The following ZSCAN5A variants were observed in gnomAD, a reference collection of about 807,000 sequenced individuals.
The protein encoded by ZSCAN5A is zinc finger and SCAN domain containing 5A, also known as zinc finger and SCAN domain-containing protein 5A.
In ZSCAN5A, 12 loss-of-function variants were observed where a neutral mutation model predicts 23.7. The ratio of observed to expected loss-of-function variants is 0.51; its 90% CI spans 0.32 to 0.82. ZSCAN5A has a LOEUF of 0.82. ZSCAN5A is among the 40% of genes least tolerant of loss of function. The pLI is 0.03. For synonymous variants in ZSCAN5A, 257 were observed against 239.9 expected, an observed-to-expected ratio of 1.07 and a Z score of -0.66; for missense variants, 597 against 617.9, an observed-to-expected ratio of 0.97 and a Z score of 0.36.
chr19:56,223,523 G>T, intron 4 of ZSCAN5A, 108 bp downstream of exon 4: 2 of 1,145,016 alleles, frequency 1.7e-6, no homozygotes, highest in Non-Finnish European at 2.5e-6. Context: ...ATGGGGAATG[G>T]CTCTAATCTT....
At chr19:56,289,420 T>A (rs1359560098) in intron 2 of ZSCAN5A, among the ~76,000 whole-genome samples, 1 of 152,152 alleles carries the variant, frequency 6.6e-6, no homozygotes, top group African/African-American at 2.4e-5. Context: ...GGAAGAAAGA[T>A]GGTGGAGCAG....
intron 2 of ZSCAN5A, among the ~76,000 whole-genome samples, chr19:56,303,265 G>A (rs1460102566): frequency 6.6e-6 from 1 of 151,970 alleles, no homozygotes; most frequent in East Asian, 1.9e-4. Flanking sequence ...GGATCACGAG[G>A]TCAGGAGTTC....
At chr19:56,334,492 G>GTGTATA (rs2041517046) in intron 2 of ZSCAN5A, among the ~76,000 whole-genome samples, 1 of 152,032 alleles carries the variant, frequency 6.6e-6, no homozygotes, top group Non-Finnish European at 1.5e-5. Flanking sequence ...TACATAGTAG[G>GTGTATA]TGTATATGTT....
chr19:56,225,726 C>T (rs1568611147), intron 2 of ZSCAN5A, among the ~76,000 whole-genome samples: 1 of 152,142 alleles, frequency 6.6e-6, no homozygotes, highest in African/African-American at 2.4e-5. Flanking sequence ...TCATTTTTTA[C>T]TCTCTTCAAG....
At chr19:56,242,779 TTCTC>T (rs889582897) in intron 2 of ZSCAN5A, among the ~76,000 whole-genome samples, 3 of 104,276 alleles carry the variant, frequency 2.9e-5, no homozygotes, top group African/African-American at 6.3e-5. Flanking sequence ...CGTTCTTTCT[TTCTC>T]TCTTTTTTTT....
chr19:56,319,841 T>G, intron 2 of ZSCAN5A: 4 of 783,472 alleles, frequency 5.1e-6, no homozygotes, highest in Middle Eastern at 2.3e-4. Context: ...TTCTGCAGTT[T>G]TCATTAGTAT....
At chr19:56,245,831 A>G (rs1206003817) in intron 2 of ZSCAN5A, among the ~76,000 whole-genome samples, 2 of 152,124 alleles carry the variant, frequency 1.3e-5, no homozygotes, top group East Asian at 3.9e-4. Flanking sequence ...GCCTTTCAGG[A>G]CACATGGCCA....
chr19:56,257,453 G>A (rs964488304), intron 2 of ZSCAN5A, among the ~76,000 whole-genome samples: 18 of 152,166 alleles, frequency 1.2e-4, no homozygotes, highest in Admixed American at 1.2e-3. Flanking sequence ...CCATTGGTAT[G>A]TGGGAGCGAG....
intron 2 of ZSCAN5A, among the ~76,000 whole-genome samples, chr19:56,361,380 A>G (rs1225886844): frequency 2.6e-5 from 4 of 152,258 alleles, no homozygotes; most frequent in Non-Finnish European, 4.4e-5. Flanking sequence ...AATATAAATC[A>G]TTCTATTTTA....
chr19:56,368,059 T>C (rs1387129650), intron 1 of ZSCAN5A: 3 of 152,314 alleles, frequency 2.0e-5, no homozygotes, highest in Non-Finnish European at 4.4e-5. Context: ...CGCTTGATTC[T>C]CTGCGCAGGC....
intron 2 of ZSCAN5A, among the ~76,000 whole-genome samples, chr19:56,270,230 C>A (rs1341224230): frequency 1.3e-5 from 2 of 151,336 alleles, no homozygotes; most frequent in African/African-American, 4.9e-5. Flanking sequence ...CCAGCCTGGC[C>A]AACATGGTGA....
At chr19:56,291,700 T>G (rs2039520080) in intron 2 of ZSCAN5A, among the ~76,000 whole-genome samples, 1 of 151,934 alleles carries the variant, frequency 6.6e-6, no homozygotes, top group Admixed American at 6.6e-5. Flanking sequence ...CCAAGGGAGG[T>G]CCACTCTTAG....
chr19:56,315,731 T>C (rs1168998628), upstream of ZSCAN5A: 2 of 152,136 alleles, frequency 1.3e-5, no homozygotes, highest in African/African-American at 4.8e-5. Context: ...CCCTTACTAT[T>C]TCAGGGCCCC....
intron 2 of ZSCAN5A, among the ~76,000 whole-genome samples, chr19:56,305,258 G>A (rs970756262): frequency 6.8e-5 from 9 of 131,522 alleles, no homozygotes; most frequent in African/African-American, 1.9e-4. Flanking sequence ...TCTTCCCCCT[G>A]TTCCTGGCAA....
intron 2 of ZSCAN5A, among the ~76,000 whole-genome samples, chr19:56,323,485 T>G (rs2041401126): frequency 6.6e-6 from 1 of 152,020 alleles, no homozygotes; most frequent in African/African-American, 2.4e-5. Flanking sequence ...AAAAATATGT[T>G]TGATCCCAGG....
chr19:56,260,255 C>A (rs1321256934), intron 2 of ZSCAN5A, among the ~76,000 whole-genome samples: 1 of 139,144 alleles, frequency 7.2e-6, no homozygotes, highest in Non-Finnish European at 1.5e-5. Flanking sequence ...ACTCTTGTTG[C>A]CCAGGCTGGA....
intron 2 of ZSCAN5A, among the ~76,000 whole-genome samples, chr19:56,264,288 C>T (rs2037319867): frequency 1.3e-5 from 2 of 152,194 alleles, no homozygotes; most frequent in Non-Finnish European, 2.9e-5. Context: ...GCCAGCACAC[C>T]CAGCCCAAGA....
chr19:56,356,281 A>G (rs1170017404), intron 2 of ZSCAN5A, among the ~76,000 whole-genome samples: 1 of 148,656 alleles, frequency 6.7e-6, no homozygotes, highest in Non-Finnish European at 1.5e-5. Flanking sequence ...GAGAGCAGCC[A>G]CCTTTTAAAC....
chr19:56,265,997 A>C, intron 2 of ZSCAN5A, among the ~76,000 whole-genome samples: 1 of 152,208 alleles, frequency 6.6e-6, no homozygotes, highest in South Asian at 2.1e-4. Flanking sequence ...CAGGGTATAG[A>C]GACTTAGCAG....
Sources: gnomAD v4.1 joint callset for allele counts (sites outside exome capture counted in the v4.1 genomes callset) on GRCh38, gnomAD v4.1.1 for gene constraint, MANE v1.5 for transcripts, NCBI Gene and HGNC (gene_info 2026-07-23, HGNC 2026-07-21) for gene names.